Variants in SORCS3 observed in about 807,000 individuals in gnomAD.
SORCS3 encodes VPS10 domain-containing receptor SorCS3.
SORCS3 carries 57 observed loss-of-function variants against 146.3 expected under a neutral mutation model. The ratio of observed to expected loss-of-function variants is 0.39; its 90% CI spans 0.31 to 0.49. The LOEUF (loss-of-function observed/expected upper bound fraction) is 0.49, where lower values mean the gene tolerates loss of function less well. Among genes scored for constraint, SORCS3 ranks in the 20% least tolerant of loss-of-function variants. The pLI, the probability that SORCS3 is intolerant of heterozygous loss-of-function variation, is 0.92. For missense variants in SORCS3, 1,341 were observed against 1,575.5 expected (o/e 0.85, Z 2.52); for synonymous variants, 653 against 618.5 (o/e 1.06, Z -0.83).
chr10:104,925,891 A>G (rs925266560), intron 3 of SORCS3, among the ~76,000 whole-genome samples: 28 of 152,250 alleles, frequency 1.8e-4, no homozygotes, highest in Non-Finnish European at 3.1e-4. Flanking sequence ...TTGTTTAATC[A>G]AATAAGAGAG....
chr10:104,924,542 C>A (rs1404433996), intron 3 of SORCS3, among the ~76,000 whole-genome samples: 1 of 152,158 alleles, frequency 6.6e-6, no homozygotes, highest in Non-Finnish European at 1.5e-5. Context: ...GGTGGGAAAC[C>A]AAGGACTTGC....
At chr10:104,812,065 A>G (rs1321760737) in intron 1 of SORCS3, among the ~76,000 whole-genome samples, 1 of 152,228 alleles carries the variant, frequency 6.6e-6, no homozygotes, top group Non-Finnish European at 1.5e-5. Flanking sequence ...AAAGAGAAAA[A>G]AAATAACTTG....
chr10:105,076,988 A>G (rs964496083), intron 5 of SORCS3, among the ~76,000 whole-genome samples: 1 of 152,218 alleles, frequency 6.6e-6, no homozygotes, highest in Non-Finnish European at 1.5e-5. Flanking sequence ...TCTTTAATCA[A>G]ATTGAATTTC....
At position 104,787,050 on chromosome 10, in the gene SORCS3, C is replaced by T. The variant is rs114244540; in HGVS notation, c.628-55742C>T. Among the ~76,000 whole-genome samples, 1,307 of 152,312 alleles carry T rather than the reference C, an allele frequency of 8.6e-3. 16 individuals are homozygous for T. The highest frequency in any genetic ancestry group is 0.03 in the African/African-American group (1,238 of 41,556). On this transcript the variant is annotated intron_variant, in intron 1 of 26. Coordinates refer to ENST00000369701, the MANE Select transcript of SORCS3 (RefSeq NM_014978.3). Reference sequence around the variant, plus strand: ...ACCAGTGCAAACCAACAGAGCAGCACAGTCATGGACAGTCACCAAGAATGA... The same window carrying T: ...ACCAGTGCAAACCAACAGAGCAGCATAGTCATGGACAGTCACCAAGAATGA...
chr10:104,747,020 G>T (rs2016919173), intron 1 of SORCS3, among the ~76,000 whole-genome samples: 1 of 152,208 alleles, frequency 6.6e-6, no homozygotes. Context: ...TGGGTTGAGG[G>T]CAGGGATTCA....
intron 9 of SORCS3, among the ~76,000 whole-genome samples, chr10:105,151,417 G>A (rs368630605): frequency 3.3e-5 from 5 of 152,162 alleles, no homozygotes; most frequent in South Asian, 2.1e-4. Context: ...ATATTCGCAC[G>A]TGTGATGTAG....
intron 24 of SORCS3, 121 bp from the exon 25 acceptor site, chr10:105,256,698 A>T (rs1401193782): frequency 4.3e-6 from 3 of 698,080 alleles, no homozygotes; most frequent in Non-Finnish European, 7.4e-6. Context: ...AGGCAGGGGA[A>T]TTGGAGACTA....
intron 1 of SORCS3, among the ~76,000 whole-genome samples, chr10:104,691,918 T>C (rs759525042): frequency 4.6e-5 from 7 of 152,154 alleles, no homozygotes; most frequent in Non-Finnish European, 1.0e-4. Flanking sequence ...TTTTTTGTTA[T>C]TGTTGAGGTG....
chr10:104,788,694 A>C lies in SORCS3; in HGVS notation c.628-54098A>C, dbSNP rs146658728. On this transcript the variant is annotated intron_variant, in intron 1 of 26. Coordinates refer to ENST00000369701, the MANE Select transcript of SORCS3 (RefSeq NM_014978.3). ...AATGTTAAAAATGAATTTCAGATCT[A>C]ATAGTGGCTAGCAAGGCTTGCTTTT... Among the ~76,000 whole-genome samples, 23 of 152,322 alleles carry C rather than the reference A, an allele frequency of 1.5e-4. No homozygotes were observed. In the East Asian group the frequency reaches 4.2e-3, roughly 28 times the overall value.
intron 1 of SORCS3, among the ~76,000 whole-genome samples, chr10:104,706,492 C>A (rs1462115971): frequency 6.6e-6 from 1 of 152,114 alleles, no homozygotes; most frequent in Non-Finnish European, 1.5e-5. Flanking sequence ...CAGGCGTGAG[C>A]CACTGTGCCC....
chr10:104,951,484 T>A (rs1190052728), intron 3 of SORCS3, among the ~76,000 whole-genome samples: 1 of 152,076 alleles, frequency 6.6e-6, no homozygotes, highest in African/African-American at 2.4e-5. Flanking sequence ...CATGCCACCA[T>A]GCCCAGTGAA....
chr10:105,153,455 A>G (rs2056181822), intron 9 of SORCS3, among the ~76,000 whole-genome samples: 1 of 152,140 alleles, frequency 6.6e-6, no homozygotes, highest in Non-Finnish European at 1.5e-5. Context: ...TCATGGGTAA[A>G]TACTTAGGAG....
chr10:105,241,366 A>G (rs2056822025), intron 20 of SORCS3, among the ~76,000 whole-genome samples: 1 of 152,212 alleles, frequency 6.6e-6, no homozygotes, highest in Non-Finnish European at 1.5e-5. Context: ...GGGGGAGCGC[A>G]GCAGCCCCAG....
chr10:105,009,422 T>C (rs757866737), intron 4 of SORCS3, among the ~76,000 whole-genome samples: 2 of 151,732 alleles, frequency 1.3e-5, no homozygotes, highest in Non-Finnish European at 2.9e-5. Context: ...TATAATTTAG[T>C]TGGGGAGAAA....
At chr10:105,101,843 T>C (rs1353943913) in intron 6 of SORCS3, among the ~76,000 whole-genome samples, 3 of 152,232 alleles carry the variant, frequency 2.0e-5, no homozygotes, top group African/African-American at 7.2e-5. Context: ...GGAAGCAGGT[T>C]GCCATATCAA....
chr10:105,233,167 C>A (rs1488514469), intron 20 of SORCS3, among the ~76,000 whole-genome samples: 2 of 151,548 alleles, frequency 1.3e-5, no homozygotes, highest in African/African-American at 4.8e-5. Context: ...TATACACTTA[C>A]AATGAATCCA....
chr10:104,793,983 G>T (rs2017522933), intron 1 of SORCS3, among the ~76,000 whole-genome samples: 1 of 152,194 alleles, frequency 6.6e-6, no homozygotes, highest in South Asian at 2.1e-4. Context: ...GAGGCAGAGT[G>T]TGGCAGGTCA....
chr10:105,249,947 G>A (rs2056889262), intron 22 of SORCS3, among the ~76,000 whole-genome samples: 1 of 152,094 alleles, frequency 6.6e-6, no homozygotes, highest in African/African-American at 2.4e-5. Context: ...TGTATGCTGT[G>A]TTAGTCTGTT....
At chr10:105,171,020 A>C (rs2056355211) in intron 13 of SORCS3, among the ~76,000 whole-genome samples, 1 of 152,176 alleles carries the variant, frequency 6.6e-6, no homozygotes, top group East Asian at 1.9e-4. Context: ...TCTCAGACTG[A>C]CATTGTTTTA....
Sources: allele counts gnomAD v4.1 joint callset (sites outside exome capture counted in the v4.1 genomes callset), GRCh38; gene constraint gnomAD v4.1.1; transcripts MANE v1.5; gene names NCBI Gene and HGNC (gene_info 2026-07-23, HGNC 2026-07-21).